NTM: variants seen among roughly 807,000 people sequenced by gnomAD.
NTM encodes IgLON family member 2.
A neutral mutation model predicts 42.1 loss-of-function variants in NTM; 13 were observed. The observed-to-expected ratio is 0.31, with a 90% CI of 0.20 to 0.49. The LOEUF is 0.49. Ranked by LOEUF, NTM falls within the 20% of genes least tolerant of loss-of-function variation. The probability of loss-of-function intolerance (pLI) is 0.99; values close to 1 mark genes in which losing one functional copy is unlikely to be tolerated. For synonymous variants in NTM, 187 were observed against 179.2 expected (o/e 1.04, Z -0.35); for missense variants, 373 against 452.8 (o/e 0.82, Z 1.60).
intron 1 of NTM, among the ~76,000 whole-genome samples, chr11:131,524,979 C>G (rs186000039): frequency 1.6e-3 from 249 of 152,114 alleles, no homozygotes; most frequent in Non-Finnish European, 2.6e-3. Flanking sequence ...ACACAGGAAA[C>G]CTGGTACAGG....
At chr11:131,731,223 T>C (rs2079642882) in intron 1 of NTM, among the ~76,000 whole-genome samples, 1 of 152,166 alleles carries the variant, frequency 6.6e-6, no homozygotes, top group African/African-American at 2.4e-5. Flanking sequence ...TTTGCTCTAC[T>C]TAGAGGACTC....
At chr11:132,277,795 A>C (rs547058546) in intron 4 of NTM, among the ~76,000 whole-genome samples, 1 of 152,178 alleles carries the variant, frequency 6.6e-6, no homozygotes, top group East Asian at 1.9e-4. Context: ...GTAATTGTAA[A>C]AGCTTGGTGC....
At chr11:131,910,412 TGGG>T (rs573988021) in intron 1 of NTM, among the ~76,000 whole-genome samples, 2,114 of 152,118 alleles carry the variant, frequency 0.014, 28 homozygotes, top group Non-Finnish European at 0.022. Flanking sequence ...TGGCCTGGGC[TGGG>T]CTGGTGCACA....
chr11:131,852,033 C>G lies in NTM; in HGVS notation c.83-59531C>G, dbSNP rs2045611016. Among the ~76,000 whole-genome samples, 4 of 152,244 alleles carry G rather than the reference C, an allele frequency of 2.6e-5. No homozygotes were observed. In the South Asian group the frequency reaches 8.3e-4, roughly 32 times the overall value. On this transcript the variant is annotated intron_variant, in intron 1 of 8. Coordinates refer to ENST00000683400, the MANE Select transcript of NTM (RefSeq NM_001352005.2). Reference sequence around the variant, plus strand: ...GCTGGCTTCATTTCCAGCTACTGGACTCGCAGATAGAATTGTCCTTGATGT... The same window carrying G: ...GCTGGCTTCATTTCCAGCTACTGGAGTCGCAGATAGAATTGTCCTTGATGT...
chr11:132,297,495 C>A (rs934885951), intron 4 of NTM, among the ~76,000 whole-genome samples: 1 of 152,182 alleles, frequency 6.6e-6, no homozygotes, highest in East Asian at 1.9e-4. Context: ...CTGCATCCTC[C>A]GTGCATTTCA....
At chr11:132,202,542 T>C (rs1401864889) in intron 3 of NTM, among the ~76,000 whole-genome samples, 5 of 152,180 alleles carry the variant, frequency 3.3e-5, no homozygotes, top group Middle Eastern at 3.2e-3. Context: ...ACACCCCTTA[T>C]GTTTCCATGT....
At chr11:131,581,434 T>C (rs560195112) in intron 1 of NTM, among the ~76,000 whole-genome samples, 1 of 152,346 alleles carries the variant, frequency 6.6e-6, no homozygotes, top group African/African-American at 2.4e-5. Context: ...AAGCTCCATT[T>C]GGATTTTACT....
chr11:131,402,140 T>G (rs1945308967), intron 1 of NTM, among the ~76,000 whole-genome samples: 1 of 151,810 alleles, frequency 6.6e-6, no homozygotes, highest in South Asian at 2.1e-4. Context: ...AGCATTTGGC[T>G]TCACAGAGCC....
In NTM at chr11:131,853,168, T is replaced by C. The variant is rs75453469; in HGVS notation, c.83-58396T>C. Among the ~76,000 whole-genome samples, 114 of 152,166 alleles carry C rather than the reference T, an allele frequency of 7.5e-4. 1 individual carries two copies. In the East Asian group the frequency reaches 0.02, roughly 27 times the overall value. On this transcript the variant is annotated intron_variant, in intron 1 of 8. Coordinates refer to ENST00000683400, the MANE Select transcript of NTM (RefSeq NM_001352005.2). ...CTGGCAATAAGAGAAGAATAATTTG[T>C]GGCTCTTCCTTTAATGAGAATATGT...
At chr11:131,417,607 A>G (rs1010354350) in intron 1 of NTM, among the ~76,000 whole-genome samples, 8 of 152,202 alleles carry the variant, frequency 5.3e-5, no homozygotes, top group African/African-American at 1.9e-4. Flanking sequence ...GCTGGATGAA[A>G]TTATTGATTT....
chr11:131,746,386 A>ACTTGTG (rs1269604170), intron 1 of NTM, among the ~76,000 whole-genome samples: 1 of 152,132 alleles, frequency 6.6e-6, no homozygotes, highest in African/African-American at 2.4e-5. Flanking sequence ...CTCTCCACTG[A>ACTTGTG]CTTGTGTGTA....
At chr11:131,469,558 C>T (rs1038663280) in intron 1 of NTM, among the ~76,000 whole-genome samples, 1 of 152,180 alleles carries the variant, frequency 6.6e-6, no homozygotes, top group Admixed American at 6.5e-5. Flanking sequence ...TCCCTGACAG[C>T]TGAGTTGCCT....
chr11:131,871,777 G>A lies in NTM; in HGVS notation c.83-39787G>A, dbSNP rs572255601. 2.0e-4 allele frequency among the ~76,000 whole-genome samples: 30 copies of A among 152,164 alleles called. No homozygotes were observed. The East Asian group carries it at 5.6e-3, about 29-fold the overall frequency. ...GGCCACCCTGCCCTGGGCTCCCTGGGGAAGTCTTTCTTCCTTTTCTTTCTG... is the reference window on the plus strand; with the variant it reads ...GGCCACCCTGCCCTGGGCTCCCTGGAGAAGTCTTTCTTCCTTTTCTTTCTG... On this transcript the variant is annotated intron_variant, in intron 1 of 8. Coordinates refer to ENST00000683400, the MANE Select transcript of NTM (RefSeq NM_001352005.2).
intron 4 of NTM, among the ~76,000 whole-genome samples, chr11:132,241,208 A>AT (rs1480314307): frequency 6.6e-6 from 1 of 152,246 alleles, no homozygotes; most frequent in Non-Finnish European, 1.5e-5. Context: ...AGCATTTCAC[A>AT]TAAGGGATAC....
At chr11:132,246,022 C>CG (rs2139297563) in intron 4 of NTM, among the ~76,000 whole-genome samples, 1 of 152,280 alleles carries the variant, frequency 6.6e-6, no homozygotes, top group East Asian at 1.9e-4. Context: ...AGAGCTGCCC[C>CG]GGGCTAGAGG....
chr11:131,989,058 T>C (rs926763735), intron 2 of NTM, among the ~76,000 whole-genome samples: 2 of 152,222 alleles, frequency 1.3e-5, no homozygotes, highest in African/African-American at 2.4e-5. Context: ...TTTGTTTTAA[T>C]TGATACAATA....
chr11:132,058,276 G>A (rs1233729709), intron 2 of NTM, among the ~76,000 whole-genome samples: 1 of 152,160 alleles, frequency 6.6e-6, no homozygotes, highest in Non-Finnish European at 1.5e-5. Flanking sequence ...CTGCTGGAAT[G>A]TGTGCTGGTT....
intron 4 of NTM, among the ~76,000 whole-genome samples, chr11:132,298,436 C>A (rs2094708147): frequency 6.6e-6 from 1 of 152,144 alleles, no homozygotes. Flanking sequence ...ACTTTGATAT[C>A]ATCACGCGTA....
intron 1 of NTM, among the ~76,000 whole-genome samples, chr11:131,834,625 C>CATATACATATATAT (rs748768735): frequency 1.5e-5 from 2 of 133,976 alleles, no homozygotes; most frequent in African/African-American, 2.7e-5. Flanking sequence ...TATACATATA[C>CATATACATATATAT]ATATATATAT....
Sources: allele counts gnomAD v4.1 joint callset (sites outside exome capture counted in the v4.1 genomes callset), GRCh38; gene constraint gnomAD v4.1.1; transcripts MANE v1.5; gene names NCBI Gene and HGNC (gene_info 2026-07-23, HGNC 2026-07-21).